ALDH1A3: variants seen among roughly 807,000 people sequenced by gnomAD.
The protein encoded by ALDH1A3 is aldehyde dehydrogenase 1 family member A3.
In ALDH1A3, 28 loss-of-function variants were observed where a neutral mutation model predicts 57.5. The observed-to-expected ratio is 0.49, with a 90% CI of 0.36 to 0.67. ALDH1A3 has a LOEUF of 0.67. ALDH1A3 is among the 30% of genes least tolerant of loss of function. ALDH1A3 has a pLI of 0.00. For synonymous variants in ALDH1A3, 281 were observed against 264.8 expected (o/e 1.06, Z -0.59); for missense variants, 507 against 669.4 (o/e 0.76, Z 2.68).
rs1596207469 is a variant in ALDH1A3 at position 100,889,241 on chromosome 15, G to C, written c.345+1529G>C. The C allele has an allele frequency of 6.6e-6, 1 of 152,318 alleles. No homozygotes were observed. Among genetic ancestry groups the C allele is most frequent in the Non-Finnish European group, 1.5e-5 (1 of 68,030 alleles). 9.4% of individuals were successfully genotyped at this position (152,318 alleles called of 1,614,324 possible). The stretch of plus-strand genomic sequence containing the variant: ...TTCTGATGTCGGGAACAAGCAGTAG[G>C]GTAGCCACTGTTTAAAGGAGGGTGT... On this transcript the variant is annotated intron_variant, in intron 3 of 12. Coordinates refer to ENST00000329841, the MANE Select transcript of ALDH1A3 (RefSeq NM_000693.4). The surrounding 1 kb of genome is among the most constrained non-coding windows in gnomAD (Gnocchi z 5.1).
chr15:100,885,596 A>G (rs549518418), intron 2 of ALDH1A3, among the ~76,000 whole-genome samples: 3 of 151,946 alleles, frequency 2.0e-5, no homozygotes, highest in Non-Finnish European at 2.9e-5. Flanking sequence ...TGTTTCTCCT[A>G]CTATGAGGAT....
intron 12 of ALDH1A3, among the ~76,000 whole-genome samples, chr15:100,909,656 C>T (rs1346615604): frequency 6.6e-6 from 1 of 152,208 alleles, no homozygotes; most frequent in Admixed American, 6.5e-5. Flanking sequence ...GTCCTGCCTG[C>T]TGGGAAAATG....
At position 100,894,156 on chromosome 15, in the gene ALDH1A3, G is replaced by T; in HGVS notation, c.666+74G>T. 2 of 1,557,516 alleles carry T rather than the reference G, an allele frequency of 1.3e-6. No individual in the cohort carries two copies. On this transcript the variant is annotated intron_variant, in intron 6 of 12. Transcript: ENST00000329841. This position sits in a 1 kb window ranked among gnomAD's most constrained non-coding sequence, Gnocchi z 4.5. The stretch of plus-strand genomic sequence containing the variant: ...CTCCTAGGAACCAGGCCACCGTCAC[G>T]AGATGGGACAGTGGCAGACTGCTGG...
rs7045 is a variant in ALDH1A3, at chr15:100,916,578, C to T, written c.*1805C>T. The T allele has an allele frequency of 0.16, 24,775 of 152,208 alleles. 2,604 individuals carry two copies. Among genetic ancestry groups the T allele is most frequent in the East Asian group, 0.43 (2,232 of 5,178 alleles). The allele number at this position is 152,208 out of a possible 1,614,324, so 9.4% of individuals were successfully genotyped here. A position where few individuals can be genotyped will look rare whatever the true frequency, so the allele number is the denominator to read the frequency against. ...GGGAATTCCGATCCTAGCTGCAGAT[C>T]GCATCCCACAATGCGAGAATGATAA... is the stretch of plus-strand genomic sequence containing the variant. On this transcript the variant is annotated 3_prime_UTR_variant, in exon 13 of 13. Transcript: ENST00000329841.
At chr15:100,903,819 G>A (rs1274084539) in intron 9 of ALDH1A3, among the ~76,000 whole-genome samples, 2 of 152,120 alleles carry the variant, frequency 1.3e-5, no homozygotes, top group African/African-American at 4.8e-5. Context: ...TATCAAATGT[G>A]CTTTGCGTAT....
chr15:100,897,972 C>A (rs2041724589), intron 7 of ALDH1A3, 111 bp from the exon 8 acceptor site: 2 of 971,362 alleles, frequency 2.1e-6, no homozygotes, highest in African/African-American at 1.6e-5. Flanking sequence ...GGGCCGAGAG[C>A]CAGGTGGTGG....
intron 12 of ALDH1A3, chr15:100,913,113 G>A (rs1357682820): frequency 7.2e-6 from 1 of 138,434 alleles, no homozygotes. Context: ...AGCCGAGATC[G>A]CGCCACTGCA....
Position 100,887,022 on chromosome 15 carries a change from T to G in ALDH1A3, c.205-550T>G, listed in dbSNP as rs545321491. On this transcript the variant is annotated intron_variant, in intron 2 of 12. Coordinates refer to ENST00000329841, the MANE Select transcript of ALDH1A3 (RefSeq NM_000693.4). This position sits in a 1 kb window ranked among gnomAD's most constrained non-coding sequence, Gnocchi z 4.6. ...CAGCCAGTGGAAAGTCCTTCCGTACTTGGGTCCCTGAGAAAAATACTCTTT... is the reference window on the plus strand; with the variant it reads ...CAGCCAGTGGAAAGTCCTTCCGTACGTGGGTCCCTGAGAAAAATACTCTTT... 6.6e-6 allele frequency among the ~76,000 whole-genome samples: 1 copy of G among 152,358 alleles called. No homozygotes were observed. Among genetic ancestry groups the G allele is most frequent in the African/African-American group, 2.4e-5 (1 of 41,584 alleles).
chr15:100,884,829 G>T (rs2041579622), intron 1 of ALDH1A3, among the ~76,000 whole-genome samples: 1 of 152,032 alleles, frequency 6.6e-6, no homozygotes, highest in Admixed American at 6.5e-5. Flanking sequence ...GGGAGTGCTC[G>T]GTGCGTCCTT....
chr15:100,882,466 C>T (rs1204857707), intron 1 of ALDH1A3, among the ~76,000 whole-genome samples: 2 of 152,170 alleles, frequency 1.3e-5, no homozygotes, highest in African/African-American at 2.4e-5. Context: ...TATTATCTCT[C>T]TTATGAAAAA....
chr15:100,888,589 G>C (rs1300895780), intron 3 of ALDH1A3: 1 of 152,166 alleles, frequency 6.6e-6, no homozygotes, highest in Non-Finnish European at 1.5e-5. Flanking sequence ...GAACTGGCTA[G>C]TAGCGAGCAT....
At position 100,892,942 on chromosome 15, in the gene ALDH1A3, C is replaced by T; in HGVS notation, c.476-3C>T. 1 of 1,613,990 alleles carries T rather than the reference C, an allele frequency of 6.2e-7. No homozygotes were observed. The highest frequency in any genetic ancestry group is 8.5e-7 in the Non-Finnish European group (1 of 1,179,912). On this transcript the variant is annotated splice_region_variant and splice_polypyrimidine_tract_variant and intron_variant, in intron 4 of 12. Coordinates refer to ENST00000329841, the MANE Select transcript of ALDH1A3 (RefSeq NM_000693.4). ...CCTTCCCCACCATGTAACCCTCTTC[C>T]AGATGACAACGTCGTGTGCTTCACC...
chr15:100,892,802 T>C lies in ALDH1A3; in HGVS notation c.476-143T>C. On this transcript the variant is annotated intron_variant, in intron 4 of 12. Coordinates refer to ENST00000329841, the MANE Select transcript of ALDH1A3 (RefSeq NM_000693.4). Reference sequence around the variant, plus strand: ...TCTTCTAAGAACTTCACTTTTAAAGTTGAGGTCAAATCACTTCTCTGTATA... The same window carrying C: ...TCTTCTAAGAACTTCACTTTTAAAGCTGAGGTCAAATCACTTCTCTGTATA... The C allele has an allele frequency of 2.3e-6, 3 of 1,329,710 alleles. No individual in the cohort carries two copies. In the South Asian group the frequency reaches 4.4e-5, roughly 19 times the overall value. The allele number at this position is 1,329,710 out of a possible 1,614,324, so 82.4% of individuals were successfully genotyped here.
At chr15:100,899,746 A>T (rs945113554) in intron 8 of ALDH1A3, among the ~76,000 whole-genome samples, 2 of 151,916 alleles carry the variant, frequency 1.3e-5, no homozygotes, top group Admixed American at 1.3e-4. Context: ...TGCCACTGAA[A>T]CTTCCACAAA....
chr15:100,891,810 C>T lies in ALDH1A3; in HGVS notation c.346-700C>T, dbSNP rs139694198. ...GGGACAAAGGGGTTCTCTTCCACCC[C>T]GGCTGGAAATAGAAAAGAATCCCTG... On this transcript the variant is annotated intron_variant, in intron 3 of 12. Transcript: ENST00000329841. 5.1e-3 allele frequency among the ~76,000 whole-genome samples: 781 copies of T among 152,336 alleles called. 8 individuals are homozygous for T. Among genetic ancestry groups the T allele is most frequent in the African/African-American group, 0.018 (738 of 41,576 alleles).
chr15:100,916,121 C>T lies in ALDH1A3; in HGVS notation c.*1348C>T, dbSNP rs186109171. 1.9e-4 allele frequency: 29 copies of T among 152,262 alleles called. No homozygotes were observed. Among genetic ancestry groups the T allele is most frequent in the Admixed American group, 5.2e-4 (8 of 15,292 alleles). 9.4% of individuals were successfully genotyped at this position (152,262 alleles called of 1,614,324 possible). ...AATAAAATGAGGGCCCGTAACAGAACCAGTGTGTGTATAACGAAAACCATG... is the reference window on the plus strand; with the variant it reads ...AATAAAATGAGGGCCCGTAACAGAATCAGTGTGTGTATAACGAAAACCATG... On this transcript the variant is annotated 3_prime_UTR_variant, in exon 13 of 13. Coordinates refer to ENST00000329841, the MANE Select transcript of ALDH1A3 (RefSeq NM_000693.4).
At chr15:100,900,252 G>C (rs951760147) in intron 8 of ALDH1A3, among the ~76,000 whole-genome samples, 8 of 152,216 alleles carry the variant, frequency 5.3e-5, no homozygotes, top group Non-Finnish European at 1.0e-4. Flanking sequence ...TCTAGAAAAA[G>C]GGGAGGGGAG....
chr15:100,898,025 G>A (rs895085549), intron 7 of ALDH1A3, 58 bp from the exon 8 acceptor site: 29 of 1,533,406 alleles, frequency 1.9e-5, no homozygotes, highest in Middle Eastern at 1.7e-4. Flanking sequence ...TGATGTTTAC[G>A]CCTGGGCCAA....
At chr15:100,896,113 C>A in intron 7 of ALDH1A3, 67 bp downstream of exon 7, 2 of 1,205,196 alleles carry the variant, frequency 1.7e-6, no homozygotes, top group Non-Finnish European at 1.2e-6. Context: ...GTGAGCTTTT[C>A]CTTTGACAGG....
Sources: allele counts gnomAD v4.1 joint callset (sites outside exome capture counted in the v4.1 genomes callset), GRCh38; gene constraint gnomAD v4.1.1; non-coding constraint Gnocchi (gnomAD v3.1); transcripts MANE v1.5; gene names NCBI Gene and HGNC (gene_info 2026-07-23, HGNC 2026-07-21).